Variants in PRSS57 observed in about 807,000 individuals in gnomAD.
PRSS57 encodes the protein neutrophil serine protease 4.
Under a neutral mutation model 20.6 loss-of-function variants are expected in PRSS57, and 19 were observed. The ratio of observed to expected loss-of-function variants is 0.92; its 90% CI spans 0.64 to 1.35. The LOEUF is 1.35. Among genes scored for constraint, PRSS57 ranks in the 40% most tolerant of loss-of-function variants. PRSS57 has a pLI of 0.00. For missense variants in PRSS57, 440 were observed against 403.7 expected (o/e 1.09, Z -0.77); for synonymous variants, 203 against 176.6 (o/e 1.15, Z -1.19).
chr19:687,140 G>C lies in PRSS57; in HGVS notation c.427C>G (p.Pro143Ala), dbSNP rs1183420420. The change falls in exon 4 of 5, where the codon CCA becomes GCA. Residue 143 changes from proline to alanine, a missense_variant. By Grantham distance (27) the Pro-to-Ala change is conservative. Coordinates refer to ENST00000329267, the MANE Select transcript of PRSS57 (RefSeq NM_001308209.2). Reference sequence around the variant, plus strand: ...GTGGGGGGCCTGGCCCTTCTCCCTGGCGGCCTCAGCAGCCCCACTGCAGGG... The same window carrying C: ...GTGGGGGGCCTGGCCCTTCTCCCTGCCGGCCTCAGCAGCCCCACTGCAGGG... ...LGPAVGLLRPPGRRARPPTAG... is the reference protein window; with the variant it reads ...LGPAVGLLRPAGRRARPPTAG... The C allele has an allele frequency of 1.9e-6, 3 of 1,602,258 alleles. No homozygotes were observed. Among genetic ancestry groups the C allele is most frequent in the Non-Finnish European group, 2.6e-6 (3 of 1,174,282 alleles).
chr19:694,645 C>T (rs2031736692), intron 2 of PRSS57, among the ~76,000 whole-genome samples, 169 bp downstream of exon 2: 1 of 92,610 alleles, frequency 1.1e-5, no homozygotes, highest in South Asian at 3.0e-4. Context: ...CTTCTTTTGC[C>T]TCCCTGCCTT....
rs548559726 is a variant in PRSS57, at chr19:692,143, G to A, written c.234-141C>T. ...CCAGCACTTTGGGAGGGTGAGGAGG[G>A]TGGATCACCTGAGGTCGGGAGTTCA... On this transcript the variant is annotated intron_variant, in intron 2 of 4. Coordinates refer to ENST00000329267, the MANE Select transcript of PRSS57 (RefSeq NM_001308209.2). The A allele has an allele frequency of 3.9e-4, 331 of 841,476 alleles. 2 individuals are homozygous for A. Among genetic ancestry groups the A allele is most frequent in the Admixed American group, 5.8e-4 (13 of 22,492 alleles). 52.1% of individuals were successfully genotyped at this position (841,476 alleles called of 1,614,324 possible).
At chr19:691,504 CAA>C (rs372342945) in intron 3 of PRSS57, among the ~76,000 whole-genome samples, 32 of 86,748 alleles carry the variant, frequency 3.7e-4, no homozygotes, top group Admixed American at 7.0e-4. Context: ...GACTCTGACT[CAA>C]AAAAAAAAAA....
rs2031497690 is a variant in PRSS57 at position 687,050 on chromosome 19, C to T, written c.517G>A (p.Gly173Arg). The T allele has an allele frequency of 2.5e-6, 4 of 1,613,934 alleles. No individual in the cohort carries two copies. The highest frequency in any genetic ancestry group is 1.3e-5 in the African/African-American group (1 of 74,930). The change falls in exon 4 of 5, where the codon GGA (glycine) becomes AGA (arginine). Residue 173 changes from glycine (G) to arginine (R), a missense_variant. By Grantham distance (125) the Gly-to-Arg change is moderately radical (BLOSUM62 -2). Transcript: ENST00000329267. ...ACTCGGACCTTGGCCTCCATCAGTC[C>T]AGGCGGCAGCTCCTCAAAGTCAGAC... is the stretch of plus-strand genomic sequence containing the variant. ...FVSDFEELPP[G>R]LMEAKVRVLD...
At position 691,963 on chromosome 19, in the gene PRSS57, G is replaced by A. The variant is rs1312183083; in HGVS notation, c.273C>T (p.Val91=). Residue 91 remains valine, a synonymous_variant, in exon 3 of 5, where the codon GTC becomes GTT. Transcript: ENST00000329267. ...RTGLVVLGAH[V]LSTAEPTQQV... ...GCTGGGTGGGCTCCGCAGTACTCAG[G>A]ACGTGGGCGCCCAGCACCACCAGGC... The A allele has an allele frequency of 3.8e-6, 5 of 1,328,570 alleles. No individual in the cohort carries two copies. The highest frequency in any genetic ancestry group is 4.9e-6 in the Non-Finnish European group (5 of 1,030,036). 82.3% of individuals were successfully genotyped at this position (1,328,570 alleles called of 1,614,324 possible). A position where few individuals can be genotyped will look rare whatever the true frequency, so the allele number is the denominator to read the frequency against.
At chr19:695,096 A>G (rs2031754113) in intron 1 of PRSS57, 129 bp from the exon 2 acceptor site, 2 of 934,522 alleles carry the variant, frequency 2.1e-6, no homozygotes, top group African/African-American at 1.7e-5. Flanking sequence ...AGAGACCCAG[A>G]GAGCTGGAGA....
At position 695,343 on chromosome 19, in the gene PRSS57, G is replaced by T; in HGVS notation, c.79+9C>A. On this transcript the variant is annotated intron_variant, in intron 1 of 4. Transcript: ENST00000329267. ...GGGGCCTGGGTGGGGATCCCGGGGG[G>T]CTCCTCACCGGGGGGCTTCACGGGC... 8.0e-7 allele frequency: 1 copy of T among 1,253,800 alleles called. No homozygotes were observed. The allele number at this position is 1,253,800 out of a possible 1,614,324, so 77.7% of individuals were successfully genotyped here.
In PRSS57 at chr19:686,925, C is replaced by G. The variant is rs148900926; in HGVS notation, c.642G>C (p.Ser214=). The G allele has an allele frequency of 6.5e-5, 105 of 1,612,498 alleles. 2 individuals carry two copies. The South Asian group carries it at 9.6e-4, about 15-fold the overall frequency. ...GGGTGGAGCAGGGAGGGGATCTTACCGAGCAGAAGCCCCGTCTGTGGCTGT... is the reference window on the plus strand; with the variant it reads ...GGGTGGAGCAGGGAGGGGATCTTACGGAGCAGAAGCCCCGTCTGTGGCTGT... ...SGDSHRRGFC[S]ADSGGPLVCR... The change falls in exon 4 of 5, where the codon TCG becomes TCC. Residue 214 remains serine, a splice_region_variant and synonymous_variant. Coordinates refer to ENST00000329267, the MANE Select transcript of PRSS57 (RefSeq NM_001308209.2).
chr19:688,265 C>T (rs898636793), intron 3 of PRSS57, among the ~76,000 whole-genome samples: 10 of 152,122 alleles, frequency 6.6e-5, no homozygotes, highest in African/African-American at 9.7e-5. Context: ...GGTGAACCAG[C>T]GCTGGTTCCA....
intron 2 of PRSS57, among the ~76,000 whole-genome samples, chr19:694,279 A>T (rs1043928945): frequency 2.1e-5 from 3 of 144,686 alleles, no homozygotes; most frequent in African/African-American, 7.5e-5. Flanking sequence ...CAATATGTTT[A>T]AAACGAGGCA....
At position 687,143 on chromosome 19, in the gene PRSS57, G is replaced by A; in HGVS notation, c.424C>T (p.Pro142Ser). Residue 142 changes from proline to serine, a missense_variant, in exon 4 of 5, where the codon CCG (proline) becomes TCG (serine). Coordinates refer to ENST00000329267, the MANE Select transcript of PRSS57 (RefSeq NM_001308209.2). ...VLGPAVGLLRPPGRRARPPTA... is the reference protein window; with the variant it reads ...VLGPAVGLLRSPGRRARPPTA... The stretch of plus-strand genomic sequence containing the variant: ...GGGGGCCTGGCCCTTCTCCCTGGCG[G>A]CCTCAGCAGCCCCACTGCAGGGCCC... 1 of 1,597,836 alleles carries A rather than the reference G, an allele frequency of 6.3e-7. No homozygotes were observed. The highest frequency in any genetic ancestry group is 8.5e-7 in the Non-Finnish European group (1 of 1,171,990).
Position 691,911 on chromosome 19 carries a change from T to C in PRSS57, c.325A>G (p.Thr109Ala), listed in dbSNP as rs769123400. The change falls in exon 3 of 5, where the codon ACA becomes GCA. Residue 109 changes from threonine to alanine, a missense_variant. Thr to Ala is a moderately conservative substitution (Grantham distance 58, BLOSUM62 0). Coordinates refer to ENST00000329267, the MANE Select transcript of PRSS57 (RefSeq NM_001308209.2). ...QQVFGIDALT[T>A]HPDYHPMTHA... ...GTCATGGGGTGGTAGTCGGGGTGTG[T>C]GGTGAGAGCATCGATGCCAAACACC... 7.5e-7 allele frequency: 1 copy of C among 1,337,412 alleles called. No homozygotes were observed. The highest frequency in any genetic ancestry group is 9.7e-7 in the Non-Finnish European group (1 of 1,034,776). The allele number at this position is 1,337,412 out of a possible 1,614,324, so 82.8% of individuals were successfully genotyped here. A position where few individuals can be genotyped will look rare whatever the true frequency, so the allele number is the denominator to read the frequency against.
intron 2 of PRSS57, among the ~76,000 whole-genome samples, chr19:694,324 T>C (rs1410670925): frequency 6.6e-6 from 1 of 151,014 alleles, no homozygotes; most frequent in Non-Finnish European, 1.5e-5. Context: ...TCCCAGCACT[T>C]TGGGAGGCAG....
chr19:692,650 G>A (rs920496997), intron 2 of PRSS57, among the ~76,000 whole-genome samples: 11 of 151,392 alleles, frequency 7.3e-5, no homozygotes, highest in Non-Finnish European at 1.0e-4. Context: ...CTCCTGACCT[G>A]AAGTGATCCA....
chr19:690,785 C>T (rs867993238), intron 3 of PRSS57: 21 of 348,906 alleles, frequency 6.0e-5, no homozygotes, highest in African/African-American at 4.6e-4. Flanking sequence ...CCTGGCCAAG[C>T]TCTCCGTTGT....
At chr19:693,554 A>T (rs1231612269) in intron 2 of PRSS57, among the ~76,000 whole-genome samples, 2 of 152,112 alleles carry the variant, frequency 1.3e-5, no homozygotes, top group Non-Finnish European at 1.5e-5. Flanking sequence ...GAAAAAAATT[A>T]AATGGCAAAA....
chr19:687,006 G>C lies in PRSS57; in HGVS notation c.561C>G (p.Cys187Trp), dbSNP rs145676233. 4.3e-6 allele frequency: 7 copies of C among 1,613,978 alleles called. No homozygotes were observed. Among genetic ancestry groups the C allele is most frequent in the Non-Finnish European group, 5.9e-6 (7 of 1,180,030 alleles). Residue 187 changes from cysteine to tryptophan, a missense_variant, in exon 4 of 5, where the codon TGC (cysteine) becomes TGG (tryptophan). Cys to Trp is a radical substitution (Grantham distance 215). Transcript: ENST00000329267. ...AKVRVLDPDV[C>W]NSSWKGHLTL... ...TCAGGTGGCCCTTCCAGGAGCTGTT[G>C]CAGACGTCCGGGTCCAGCACTCGGA...
intron 3 of PRSS57, chr19:691,322 A>G (rs150183237): frequency 0.017 from 2,551 of 149,258 alleles, 47 homozygotes; most frequent in South Asian, 0.084. Flanking sequence ...TGGCCAACAT[A>G]GTGAAACCCC....
intron 2 of PRSS57, 22 bp from the exon 3 acceptor site, chr19:692,024 T>A (rs1274901391): frequency 3.1e-6 from 4 of 1,305,112 alleles, no homozygotes; most frequent in Non-Finnish European, 3.9e-6. Flanking sequence ...AGGTGGTGGG[T>A]GAGACGGGGG....
Sources: gnomAD v4.1 joint callset for allele counts (sites outside exome capture counted in the v4.1 genomes callset) on GRCh38, gnomAD v4.1.1 for gene constraint, MANE v1.5 for transcripts, NCBI Gene and HGNC (gene_info 2026-07-23, HGNC 2026-07-21) for gene names.